SLC9A9: variants seen among roughly 807,000 people sequenced by gnomAD.
SLC9A9 encodes sodium/hydrogen exchanger 9.
SLC9A9 carries 62 observed loss-of-function variants against 77.8 expected under a neutral mutation model. The observed-to-expected ratio is 0.80, with a 90% confidence interval of 0.65 to 0.98. SLC9A9 has a LOEUF of 0.98. SLC9A9 is among the 50% of genes least tolerant of loss of function. The pLI is 0.00. For missense variants in SLC9A9, 775 were observed against 774.9 expected (o/e 1.00, Z 0.00); for synonymous variants, 320 against 283.5 (o/e 1.13, Z -1.29).
intron 4 of SLC9A9, among the ~76,000 whole-genome samples, chr3:143,718,888 C>T (rs1934423995): frequency 6.6e-6 from 1 of 152,146 alleles, no homozygotes; most frequent in Admixed American, 6.5e-5. Flanking sequence ...GAGTTTAGCT[C>T]TAAGCATTCC....
intron 13 of SLC9A9, among the ~76,000 whole-genome samples, chr3:143,364,109 T>C (rs1054757842): frequency 3.3e-5 from 5 of 152,176 alleles, no homozygotes; most frequent in African/African-American, 1.2e-4. Context: ...CTTGTCTACC[T>C]CTTTTTTTCT....
chr3:143,396,495 T>C (rs2033733530), intron 12 of SLC9A9, among the ~76,000 whole-genome samples: 1 of 152,070 alleles, frequency 6.6e-6, no homozygotes, highest in Admixed American at 6.6e-5. Context: ...CTAATGTAAA[T>C]GATGAGTTAA....
At chr3:143,300,601 C>T (rs1351228877) in intron 14 of SLC9A9, among the ~76,000 whole-genome samples, 2 of 152,212 alleles carry the variant, frequency 1.3e-5, no homozygotes, top group African/African-American at 4.8e-5. Context: ...CAGGTGATGC[C>T]TATGCTCCTG....
chr3:143,402,885 A>G (rs933957380), intron 12 of SLC9A9, among the ~76,000 whole-genome samples: 6 of 125,930 alleles, frequency 4.8e-5, no homozygotes, highest in Non-Finnish European at 1.1e-4. Context: ...TTTGTATCCT[A>G]TGTTTATTTG....
intron 6 of SLC9A9, among the ~76,000 whole-genome samples, chr3:143,606,436 C>CTCTCTCTCTCTCTCTCTATATATATATA: frequency 1.8e-5 from 1 of 54,214 alleles, no homozygotes; most frequent in African/African-American, 7.7e-5. Context: ...CTCTCTCTCT[C>CTCTCTCTCTCTCTCTCTATATATATATA]TATATATATA....
At chr3:143,502,196 A>T (rs1477887672) in intron 9 of SLC9A9, among the ~76,000 whole-genome samples, 1 of 150,918 alleles carries the variant, frequency 6.6e-6, no homozygotes, top group South Asian at 2.1e-4. Flanking sequence ...CCATTACTTC[A>T]CAGTTTGTGA....
At position 143,599,426 on chromosome 3, in the gene SLC9A9, G is replaced by A. The variant is rs11915855; in HGVS notation, c.756-20703C>T. On this transcript the variant is annotated intron_variant, in intron 6 of 15. Transcript: ENST00000316549. ...AGAGCCTCTGTTTGCAAAGAAATAC[G>A]GCTGTGCTTAACATCTGAGTAGTCA... Among the ~76,000 whole-genome samples the A allele has an allele frequency of 6.5e-3, 990 of 151,950 alleles. 11 individuals are homozygous for A. Among genetic ancestry groups the A allele is most frequent in the African/African-American group, 0.023 (948 of 41,424 alleles).
intron 14 of SLC9A9, among the ~76,000 whole-genome samples, chr3:143,329,059 G>T (rs2031686849): frequency 6.6e-6 from 1 of 152,180 alleles, no homozygotes; most frequent in Non-Finnish European, 1.5e-5. Context: ...AAAGTCAAAC[G>T]ACCAACTTTT....
intron 9 of SLC9A9, among the ~76,000 whole-genome samples, chr3:143,514,128 G>C (rs957647774): frequency 1.3e-5 from 2 of 152,008 alleles, no homozygotes; most frequent in Non-Finnish European, 2.9e-5. Context: ...AGTTTGCTAA[G>C]AATGATGGTT....
At chr3:143,606,802 T>A (rs1382547275) in intron 6 of SLC9A9, among the ~76,000 whole-genome samples, 4 of 151,572 alleles carry the variant, frequency 2.6e-5, no homozygotes, top group African/African-American at 9.7e-5. Context: ...TGTAAAAGAA[T>A]GTTAATGGGC....
chr3:143,694,595 C>A (rs1270245509), intron 4 of SLC9A9, among the ~76,000 whole-genome samples: 1 of 152,026 alleles, frequency 6.6e-6, no homozygotes, highest in Non-Finnish European at 1.5e-5. Context: ...TAATATTTTT[C>A]GTATTTTTAG....
At chr3:143,795,868 A>G (rs1046402301) in intron 3 of SLC9A9, among the ~76,000 whole-genome samples, 1 of 152,204 alleles carries the variant, frequency 6.6e-6, no homozygotes, top group African/African-American at 2.4e-5. Flanking sequence ...AATTTTTTCA[A>G]CTGCTTGCTT....
chr3:143,405,270 C>A (rs1334792476), intron 12 of SLC9A9, among the ~76,000 whole-genome samples: 1 of 152,200 alleles, frequency 6.6e-6, no homozygotes, highest in Non-Finnish European at 1.5e-5. Flanking sequence ...AACCTGAAGG[C>A]ATAAGTTCCT....
At chr3:143,808,002 T>G (rs1287189243) in intron 2 of SLC9A9, among the ~76,000 whole-genome samples, 1 of 152,184 alleles carries the variant, frequency 6.6e-6, no homozygotes, top group Non-Finnish European at 1.5e-5. Context: ...TGAGAGAGGA[T>G]GGTGGCCGGG....
intron 6 of SLC9A9, among the ~76,000 whole-genome samples, chr3:143,606,919 CAT>C (rs1275752368): frequency 6.6e-6 from 1 of 151,916 alleles, no homozygotes; most frequent in African/African-American, 2.4e-5. Flanking sequence ...ACTGAAGAAA[CAT>C]ATCAAATTCT....
intron 12 of SLC9A9, among the ~76,000 whole-genome samples, chr3:143,401,178 G>A (rs2033848051): frequency 6.6e-6 from 1 of 152,120 alleles, no homozygotes; most frequent in South Asian, 2.1e-4. Flanking sequence ...AGGAGAGTGA[G>A]ACAGGGTATC....
At chr3:143,278,503 G>A (rs1020033989) in intron 14 of SLC9A9, among the ~76,000 whole-genome samples, 2 of 152,154 alleles carry the variant, frequency 1.3e-5, no homozygotes, top group Non-Finnish European at 1.5e-5. Context: ...CAAATTTATT[G>A]TCTCAGTTCT....
chr3:143,335,003 C>CAATGA (rs2031881645), intron 14 of SLC9A9, among the ~76,000 whole-genome samples: 4 of 151,292 alleles, frequency 2.6e-5, no homozygotes, highest in African/African-American at 7.3e-5. Context: ...GGAAGAAGTA[C>CAATGA]AATGATCTCT....
At chr3:143,802,465 G>A (rs368028362) in intron 2 of SLC9A9, among the ~76,000 whole-genome samples, 4 of 152,118 alleles carry the variant, frequency 2.6e-5, no homozygotes, top group Non-Finnish European at 5.9e-5. Flanking sequence ...CACATGCCCC[G>A]AGTCAGGAAA....
Sources: gnomAD v4.1 joint callset for allele counts (sites outside exome capture counted in the v4.1 genomes callset) on GRCh38, gnomAD v4.1.1 for gene constraint, MANE v1.5 for transcripts, NCBI Gene and HGNC (gene_info 2026-07-23, HGNC 2026-07-21) for gene names.